Variants in ANGPT1 observed in about 807,000 individuals in gnomAD.
ANGPT1 encodes the protein angiopoietin-1.
ANGPT1 carries 17 observed loss-of-function variants against 62.2 expected under a neutral mutation model. The ratio of observed to expected loss-of-function variants is 0.27; its 90% confidence interval spans 0.19 to 0.41. The LOEUF (loss-of-function observed/expected upper bound fraction) is 0.41, where lower values mean the gene tolerates loss of function less well. Among genes scored for constraint, ANGPT1 ranks in the 10% least tolerant of loss-of-function variants. ANGPT1 has a pLI of 1.00. For synonymous variants in ANGPT1, 199 were observed against 198.9 expected, an observed-to-expected ratio of 1.00 and a Z score of 0.00; for missense variants, 478 against 594.9, an observed-to-expected ratio of 0.80 and a Z score of 2.04.
intron 1 of ANGPT1, among the ~76,000 whole-genome samples, chr8:107,391,643 G>A (rs1816837834): frequency 6.6e-6 from 1 of 152,062 alleles, no homozygotes; most frequent in African/African-American, 2.4e-5. Context: ...CACCAGCCTG[G>A]GCGACACAGT....
intron 1 of ANGPT1, among the ~76,000 whole-genome samples, chr8:107,355,026 C>G (rs1372904121): frequency 6.6e-6 from 1 of 151,578 alleles, no homozygotes; most frequent in Non-Finnish European, 1.5e-5. Context: ...TTTCCTGCCT[C>G]GGCCTCCCAA....
intron 5 of ANGPT1, among the ~76,000 whole-genome samples, chr8:107,302,598 T>C (rs1009847190): frequency 6.6e-6 from 1 of 151,942 alleles, no homozygotes. Flanking sequence ...AATGAAGGCA[T>C]AGATGGATGA....
At chr8:107,412,349 ATG>A (rs1554591485) in intron 1 of ANGPT1, among the ~76,000 whole-genome samples, 2 of 152,152 alleles carry the variant, frequency 1.3e-5, no homozygotes, top group Admixed American at 6.6e-5. Flanking sequence ...CTCTTGAATC[ATG>A]GGCTTCATAG....
intron 4 of ANGPT1, among the ~76,000 whole-genome samples, chr8:107,313,463 A>G (rs1814932352): frequency 1.1e-5 from 1 of 91,114 alleles, no homozygotes; most frequent in African/African-American, 4.2e-5. Context: ...TTTTTGAGAC[A>G]GAGTCTTGCT....
At chr8:107,272,176 T>C (rs916626607) in intron 7 of ANGPT1, among the ~76,000 whole-genome samples, 2 of 152,018 alleles carry the variant, frequency 1.3e-5, no homozygotes, top group Non-Finnish European at 2.9e-5. Flanking sequence ...ATATGTGTAA[T>C]GGAAGATGTA....
At position 107,284,808 on chromosome 8, in the gene ANGPT1, T is replaced by C; in HGVS notation, c.1079A>G (p.Glu360Gly). 3.7e-6 allele frequency: 6 copies of C among 1,607,698 alleles called. No individual in the cohort carries two copies. Among genetic ancestry groups the C allele is most frequent in the Non-Finnish European group, 5.1e-6 (6 of 1,175,934 alleles). Residue 360 changes from glutamate to glycine, a missense_variant, in exon 7 of 9, where the codon GAG (glutamate) becomes GGG (glycine). This residue lies in a region of ANGPT1 where 81 missense variants were observed against 117.1 expected (regional missense o/e 0.69). Transcript: ENST00000517746. ...CTGACTGGTAATGGCAAAAATAAAC[T>C]CATTCCCCAGCCAATATTCACCGGA... ...NPSGEYWLGN[E>G]FIFAITSQRQ...
At chr8:107,419,159 G>C (rs1378040776) in intron 1 of ANGPT1, among the ~76,000 whole-genome samples, 47 of 152,176 alleles carry the variant, frequency 3.1e-4, no homozygotes, top group Non-Finnish European at 5.9e-5. Context: ...ATGGGGTTCA[G>C]GACTCAGTGA....
rs377753434 is a variant in ANGPT1, at chr8:107,321,941, T to C, written c.763A>G (p.Met255Val). Residue 255 changes from methionine to valine, a missense_variant, in exon 4 of 9, where the codon ATG becomes GTG. Coordinates refer to ENST00000517746, the MANE Select transcript of ANGPT1 (RefSeq NM_001146.5). ...TTGACAAGGTTGTGGACTGTGTCCA[T>C]CAGCTCCAGTTGCTGCTTCTGAAGG... ...SVLQKQQLEL[M>V]DTVHNLVNLC... The C allele has an allele frequency of 4.3e-5, 69 of 1,613,926 alleles. No homozygotes were observed. The African/African-American group carries it at 5.3e-4, about 12-fold the overall frequency.
chr8:107,332,148 A>G (rs1815437375), intron 3 of ANGPT1, among the ~76,000 whole-genome samples: 1 of 152,188 alleles, frequency 6.6e-6, no homozygotes, highest in Admixed American at 6.5e-5. Context: ...GCAGTAGGAA[A>G]CATACTGGAG....
At chr8:107,407,999 G>A (rs776113788) in intron 1 of ANGPT1, among the ~76,000 whole-genome samples, 3 of 152,164 alleles carry the variant, frequency 2.0e-5, no homozygotes, top group Non-Finnish European at 2.9e-5. Flanking sequence ...TGGAGAAAGC[G>A]AATTTGGTAA....
intron 6 of ANGPT1, among the ~76,000 whole-genome samples, chr8:107,292,722 C>T (rs1814308333): frequency 6.6e-6 from 1 of 152,082 alleles, no homozygotes; most frequent in Non-Finnish European, 1.5e-5. Flanking sequence ...GCAGTGACAC[C>T]ACTAGAAACC....
intron 1 of ANGPT1, among the ~76,000 whole-genome samples, chr8:107,412,932 A>G (rs1326724576): frequency 6.6e-6 from 1 of 152,174 alleles, no homozygotes; most frequent in African/African-American, 2.4e-5. Flanking sequence ...TTAAGTTCCT[A>G]TGATGTGCCA....
At chr8:107,317,628 A>ATTTTTT (rs60047500) in intron 4 of ANGPT1, among the ~76,000 whole-genome samples, 2 of 84,926 alleles carry the variant, frequency 2.4e-5, no homozygotes, top group Admixed American at 1.7e-4. Context: ...ATTTATTTTT[A>ATTTTTT]TTTTTATTTT....
intron 2 of ANGPT1, among the ~76,000 whole-genome samples, chr8:107,340,675 G>A (rs1008481009): frequency 3.2e-5 from 3 of 94,162 alleles, no homozygotes; most frequent in African/African-American, 1.2e-4. Context: ...TTTTTTTTTT[G>A]TAAAGACAGG....
chr8:107,490,365 C>CT (rs148846164), intron 1 of ANGPT1, among the ~76,000 whole-genome samples: 7,655 of 151,654 alleles, frequency 0.05, 224 homozygotes, highest in South Asian at 0.11. Flanking sequence ...TATTCAGGTG[C>CT]TTTTTTTTTC....
chr8:107,310,980 TGA>T (rs898668383), intron 4 of ANGPT1, among the ~76,000 whole-genome samples: 41 of 51,246 alleles, frequency 8.0e-4, no homozygotes, highest in East Asian at 7.8e-3. Context: ...AGTGTGTATG[TGA>T]GTGTGTGTGT....
At position 107,251,411 on chromosome 8, in the gene ANGPT1, C is replaced by A; in HGVS notation, c.*444G>T. On this transcript the variant is annotated 3_prime_UTR_variant, in exon 9 of 9. Coordinates refer to ENST00000517746, the MANE Select transcript of ANGPT1 (RefSeq NM_001146.5). ...TTAGTAGGTTTGCATAGATATAACA[C>A]CTTTTCACTGGTATAATACATCTTT... 6.3e-6 allele frequency: 1 copy of A among 159,646 alleles called. No homozygotes were observed. The highest frequency in any genetic ancestry group is 1.8e-4 in the East Asian group (1 of 5,564). 9.9% of individuals were successfully genotyped at this position (159,646 alleles called of 1,614,324 possible). A position where few individuals can be genotyped will look rare whatever the true frequency, so the allele number is the denominator to read the frequency against.
In ANGPT1 at chr8:107,284,696, T is replaced by C. The variant is rs1177293202; in HGVS notation, c.1191A>G (p.Glu397=). 1.3e-6 allele frequency: 2 copies of C among 1,576,606 alleles called. No homozygotes were observed. Among genetic ancestry groups the C allele is most frequent in the African/African-American group, 2.7e-5 (2 of 74,248 alleles). Residue 397 remains glutamate, a synonymous_variant, in exon 7 of 9, where the codon GAA becomes GAG. Coordinates refer to ENST00000517746, the MANE Select transcript of ANGPT1 (RefSeq NM_001146.5). The stretch of plus-strand genomic sequence containing the variant: ...GCATGACTTACCTATAGTTTTGCTT[T>C]TCATTTCCTATGTGGAATCTGTCAT... ...SQYDRFHIGN[E]KQNYRLYLKG...
At chr8:107,378,266 A>G (rs1816567269) in intron 1 of ANGPT1, among the ~76,000 whole-genome samples, 1 of 152,170 alleles carries the variant, frequency 6.6e-6, no homozygotes, top group South Asian at 2.1e-4. Flanking sequence ...ATATATTTTA[A>G]TCTGCAACTG....
Sources: allele counts gnomAD v4.1 joint callset (sites outside exome capture counted in the v4.1 genomes callset), GRCh38; gene constraint gnomAD v4.1.1; regional missense constraint gnomAD v4.1.1; transcripts MANE v1.5; gene names NCBI Gene and HGNC (gene_info 2026-07-23, HGNC 2026-07-21).